Variants in TFAP2B observed in about 807,000 individuals in gnomAD.
TFAP2B encodes transcription factor AP-2-beta.
TFAP2B carries 9 observed loss-of-function variants against 44.3 expected under a neutral mutation model. The observed-to-expected ratio is 0.20, with a 90% confidence interval of 0.12 to 0.35. TFAP2B has a LOEUF of 0.35. TFAP2B is among the 10% of genes least tolerant of loss of function. TFAP2B has a pLI of 1.00. For missense variants in TFAP2B, 509 were observed against 600.0 expected, an observed-to-expected ratio of 0.85 and a Z score of 1.59; for synonymous variants, 270 against 263.8, an observed-to-expected ratio of 1.02 and a Z score of -0.23.
rs550483281 is a variant in TFAP2B at position 50,829,452 on chromosome 6, C to G, written c.601+773C>G. Among the ~76,000 whole-genome samples the G allele has an allele frequency of 1.6e-4, 24 of 152,270 alleles. No individual in the cohort carries two copies. In the South Asian group the frequency reaches 4.1e-3, roughly 26 times the overall value. On this transcript the variant is annotated intron_variant, in intron 3 of 6. Transcript: ENST00000393655. ...TTCTCTGACAGTCACTGAGAGAATG[C>G]CTGGCGATTAGTGTAGCTGCTAAAA...
chr6:50,825,232 A>C (rs138964199), intron 2 of TFAP2B, among the ~76,000 whole-genome samples: 159 of 152,204 alleles, frequency 1.0e-3, no homozygotes, highest in African/African-American at 3.7e-3. Context: ...ACTGAGCTTG[A>C]CTGTTCCTGG....
intron 5 of TFAP2B, 65 bp from the exon 6 acceptor site, chr6:50,840,091 T>C: frequency 6.2e-7 from 1 of 1,601,630 alleles, no homozygotes; most frequent in South Asian, 1.1e-5. Context: ...GACAAGGGAA[T>C]GTCTCCGCCC....
chr6:50,828,386 G>A (rs988656583), intron 2 of TFAP2B, among the ~76,000 whole-genome samples: 4 of 152,094 alleles, frequency 2.6e-5, no homozygotes, highest in Non-Finnish European at 5.9e-5. Flanking sequence ...AACCAATGTT[G>A]CATCCCAGAT....
At chr6:50,833,751 G>T (rs1047453884) in intron 3 of TFAP2B, among the ~76,000 whole-genome samples, 1 of 150,840 alleles carries the variant, frequency 6.6e-6, no homozygotes, top group South Asian at 2.1e-4. Context: ...TTAAAGGCCC[G>T]GCTTTTCCAG....
chr6:50,841,431 G>T (rs1203528390), intron 6 of TFAP2B, among the ~76,000 whole-genome samples: 1 of 146,618 alleles, frequency 6.8e-6, no homozygotes, highest in East Asian at 2.0e-4. Context: ...GAGGCACGGG[G>T]TGTGTGTGTG....
intron 1 of TFAP2B, chr6:50,822,258 T>G (rs1770373855): frequency 2.9e-6 from 3 of 1,035,184 alleles, no homozygotes; most frequent in Admixed American, 4.8e-5. Flanking sequence ...TCACACTCTC[T>G]GTCTCTCTCT....
At chr6:50,827,068 C>T (rs1018679350) in intron 2 of TFAP2B, among the ~76,000 whole-genome samples, 9 of 152,166 alleles carry the variant, frequency 5.9e-5, no homozygotes, top group Non-Finnish European at 1.3e-4. Context: ...ACAACTACCC[C>T]ACGTCGCTGA....
chr6:50,846,021 G>A lies in TFAP2B; in HGVS notation c.*2629G>A, dbSNP rs914302637. 6 of 152,638 alleles carry A rather than the reference G, an allele frequency of 3.9e-5. No homozygotes were observed. The highest frequency in any genetic ancestry group is 1.4e-4 in the African/African-American group (6 of 41,464). The allele number at this position is 152,638 out of a possible 1,614,324, so 9.5% of individuals were successfully genotyped here. On this transcript the variant is annotated 3_prime_UTR_variant, in exon 7 of 7. Coordinates refer to ENST00000393655, the MANE Select transcript of TFAP2B (RefSeq NM_003221.4). Reference sequence around the variant, plus strand: ...GGGAGAGTGGCCTAGAAATATCCAAGGAATCCGAAGCTTCCCCTCCTCCAC... The same window carrying A: ...GGGAGAGTGGCCTAGAAATATCCAAAGAATCCGAAGCTTCCCCTCCTCCAC...
intron 1 of TFAP2B, chr6:50,821,859 AAG>A (rs1770357790): frequency 3.4e-6 from 1 of 297,174 alleles, no homozygotes; most frequent in Non-Finnish European, 6.6e-6. Flanking sequence ...CTTCGGGTGA[AAG>A]AGGACTGCAT....
At chr6:50,822,883 G>T (rs1359591191) in intron 1 of TFAP2B, among the ~76,000 whole-genome samples, 5 of 152,224 alleles carry the variant, frequency 3.3e-5, no homozygotes, top group Non-Finnish European at 4.4e-5. Flanking sequence ...TCAGCCAGCT[G>T]CATTTCCAGC....
At chr6:50,837,585 T>G (rs1762647467) in intron 4 of TFAP2B, among the ~76,000 whole-genome samples, 1 of 152,228 alleles carries the variant, frequency 6.6e-6, no homozygotes, top group Non-Finnish European at 1.5e-5. Flanking sequence ...CTAAGCCACC[T>G]GGCTCTTATC....
Position 50,818,905 on chromosome 6 carries a change from C to G in TFAP2B, c.14C>G (p.Pro5Arg). Residue 5 changes from proline to arginine, a missense_variant, in exon 1 of 7, where the codon CCT (proline) becomes CGT (arginine). Transcript: ENST00000393655. MHSP[P>R]RDQAAIMLWK... ...CTCCTCACATGAATGCACTCACCTC[C>G]TAGAGACCAGGCTGCCATCATGCTC... 6.2e-7 allele frequency: 1 copy of G among 1,614,052 alleles called. No homozygotes were observed. Among genetic ancestry groups the G allele is most frequent in the Non-Finnish European group, 8.5e-7 (1 of 1,179,986 alleles).
At chr6:50,837,310 GT>G (rs1762642499) in intron 4 of TFAP2B, among the ~76,000 whole-genome samples, 1 of 152,158 alleles carries the variant, frequency 6.6e-6, no homozygotes, top group African/African-American at 2.4e-5. Context: ...TTTCAAGTGA[GT>G]GCTTTGAGCC....
chr6:50,839,065 G>T (rs1762676104), intron 5 of TFAP2B, among the ~76,000 whole-genome samples: 1 of 152,202 alleles, frequency 6.6e-6, no homozygotes, highest in Non-Finnish European at 1.5e-5. Context: ...ACACCCTCCA[G>T]AGGCAGGAAT....
Position 50,843,478 on chromosome 6 carries a change from T to C in TFAP2B, c.*86T>C. On this transcript the variant is annotated 3_prime_UTR_variant, in exon 7 of 7. Coordinates refer to ENST00000393655, the MANE Select transcript of TFAP2B (RefSeq NM_003221.4). ...TTAATTTTAGCTTTAAAATATTGGATTGGCTTTGGAAGAATTATATTAGGT... is the reference window on the plus strand; with the variant it reads ...TTAATTTTAGCTTTAAAATATTGGACTGGCTTTGGAAGAATTATATTAGGT... The C allele has an allele frequency of 2.9e-6, 4 of 1,395,012 alleles. No homozygotes were observed. The highest frequency in any genetic ancestry group is 3.9e-6 in the Non-Finnish European group (4 of 1,017,108). 86.4% of individuals were successfully genotyped at this position (1,395,012 alleles called of 1,614,324 possible).
chr6:50,845,987 G>A lies in TFAP2B; in HGVS notation c.*2595G>A, dbSNP rs1347409575. ...CCGCCAGCGGCCACCCGGGGCGCCGGCTCCTGGAGGGAGAGTGGCCTAGAA... is the reference window on the plus strand; with the variant it reads ...CCGCCAGCGGCCACCCGGGGCGCCGACTCCTGGAGGGAGAGTGGCCTAGAA... On this transcript the variant is annotated 3_prime_UTR_variant, in exon 7 of 7. Transcript: ENST00000393655. 6.6e-6 allele frequency: 1 copy of A among 152,664 alleles called. No individual in the cohort carries two copies. The allele number at this position is 152,664 out of a possible 1,614,324, so 9.5% of individuals were successfully genotyped here.
At chr6:50,828,509 G>T (rs926727318) in intron 2 of TFAP2B, 110 bp from the exon 3 acceptor site, 1 of 899,210 alleles carries the variant, frequency 1.1e-6, no homozygotes, top group Non-Finnish European at 1.8e-6. Context: ...AGCCCTTTGT[G>T]AATTAATATA....
At position 50,844,488 on chromosome 6, in the gene TFAP2B, T is replaced by A. The variant is rs1762801360; in HGVS notation, c.*1096T>A. 1 of 152,576 alleles carries A rather than the reference T, an allele frequency of 6.6e-6. No homozygotes were observed. Among genetic ancestry groups the A allele is most frequent in the Non-Finnish European group, 1.5e-5 (1 of 68,020 alleles). 9.5% of individuals were successfully genotyped at this position (152,576 alleles called of 1,614,324 possible). A position where few individuals can be genotyped will look rare whatever the true frequency, so the allele number is the denominator to read the frequency against. ...AAAAAAAAATCCGATCCCTTTTTAA[T>A]CAAAGCCTGTGTGTCAGAATTCTGC... is the stretch of plus-strand genomic sequence containing the variant. On this transcript the variant is annotated 3_prime_UTR_variant, in exon 7 of 7. Coordinates refer to ENST00000393655, the MANE Select transcript of TFAP2B (RefSeq NM_003221.4).
At chr6:50,841,441 G>GT (rs950489193) in intron 6 of TFAP2B, among the ~76,000 whole-genome samples, 32 of 104,826 alleles carry the variant, frequency 3.1e-4, no homozygotes, top group Admixed American at 1.2e-3. Flanking sequence ...GTGTGTGTGT[G>GT]GGGGGGATCA....
Sources: gnomAD v4.1 joint callset for allele counts (sites outside exome capture counted in the v4.1 genomes callset) on GRCh38, gnomAD v4.1.1 for gene constraint, MANE v1.5 for transcripts, NCBI Gene and HGNC (gene_info 2026-07-23, HGNC 2026-07-21) for gene names.